CLSPN: variants seen among roughly 807,000 people sequenced by gnomAD.
CLSPN encodes the protein claspin homolog.
In CLSPN, 85 loss-of-function variants were observed where a neutral mutation model predicts 156.3. The observed-to-expected ratio is 0.54, with a 90% CI of 0.46 to 0.65. CLSPN has a LOEUF of 0.65. CLSPN is among the 30% of genes least tolerant of loss of function. The pLI, the probability that CLSPN is intolerant of heterozygous loss-of-function variation, is 0.00. For synonymous variants in CLSPN, 534 were observed against 542.4 expected, an observed-to-expected ratio of 0.98 and a Z score of 0.22; for missense variants, 1,407 against 1,554.9, an observed-to-expected ratio of 0.90 and a Z score of 1.60.
chr1:35,754,738 G>A (rs533806328), intron 8 of CLSPN, among the ~76,000 whole-genome samples: 1 of 152,076 alleles, frequency 6.6e-6, no homozygotes, highest in Non-Finnish European at 1.5e-5. Context: ...CTAAGCAGCA[G>A]GACTGTAAAA....
chr1:35,754,673 A>C (rs568347524), intron 8 of CLSPN, among the ~76,000 whole-genome samples: 28 of 152,198 alleles, frequency 1.8e-4, no homozygotes, highest in Admixed American at 3.3e-4. Context: ...AATATAGGCA[A>C]AGTCAATTTT....
In CLSPN at chr1:35,761,201, G is replaced by C. The variant is rs1642466691; in HGVS notation, c.899C>G (p.Ser300Cys). ...CATATGATATGGAAGGTTCAGTGCA[G>C]ACTCTATAAAATGGAATAAAACAAG... Reference protein sequence around the residue: ...HSETQRLIRESALNLPYHMPE... With the variant: ...HSETQRLIRECALNLPYHMPE... Residue 300 changes from serine (S) to cysteine (C), a missense_variant, in exon 7 of 25, where the codon TCT (serine) becomes TGT (cysteine). Physicochemically the swap from Ser to Cys is moderately radical, Grantham distance 112. Transcript: ENST00000318121. 6.3e-7 allele frequency: 1 copy of C among 1,592,100 alleles called. No individual in the cohort carries two copies. The highest frequency in any genetic ancestry group is 1.1e-5 in the South Asian group (1 of 90,378).
At chr1:35,747,031 C>A in intron 14 of CLSPN, 39 bp from the exon 15 acceptor site, 1 of 1,540,674 alleles carries the variant, frequency 6.5e-7, no homozygotes, top group African/African-American at 1.4e-5. Context: ...GTAAAAAATT[C>A]CTCAGAGAGG....
rs1641454280 is a variant in CLSPN, at chr1:35,735,970, C to T, written c.*526G>A. Reference sequence around the variant, plus strand: ...TGCAGTGACTCATGCATGTGACCAGCACTTTGTGGGGCCGAGGTGGATGGA... The same window carrying T: ...TGCAGTGACTCATGCATGTGACCAGTACTTTGTGGGGCCGAGGTGGATGGA... On this transcript the variant is annotated 3_prime_UTR_variant, in exon 25 of 25. Transcript: ENST00000318121. 1.0e-6 allele frequency: 1 copy of T among 979,522 alleles called. No homozygotes were observed. Among genetic ancestry groups the T allele is most frequent in the African/African-American group, 1.8e-5 (1 of 57,062 alleles). 60.7% of individuals were successfully genotyped at this position (979,522 alleles called of 1,614,324 possible). A position where few individuals can be genotyped will look rare whatever the true frequency, so the allele number is the denominator to read the frequency against.
intron 20 of CLSPN, 62 bp from the exon 21 acceptor site, chr1:35,738,644 G>A: frequency 6.5e-7 from 1 of 1,549,650 alleles, no homozygotes. Flanking sequence ...TGCTTGGACA[G>A]ACAAAAAATA....
At chr1:35,767,273 T>C (rs1436965832) in intron 1 of CLSPN, among the ~76,000 whole-genome samples, 1 of 152,222 alleles carries the variant, frequency 6.6e-6, no homozygotes, top group Non-Finnish European at 1.5e-5. Context: ...AGATACTTCT[T>C]AGGTGTGGTA....
intron 9 of CLSPN, 63 bp downstream of exon 9, chr1:35,753,682 G>C (rs1642175535): frequency 6.9e-7 from 1 of 1,451,908 alleles, no homozygotes. Flanking sequence ...GTTTTCAATA[G>C]CCTTGAAGAT....
rs3041363 is a variant in CLSPN at position 35,726,152 on chromosome 1, C to CAAAAAAAAAAAAAA, written c.3910-5186_3910-5173dup. 3.3e-3 allele frequency among the ~76,000 whole-genome samples: 159 copies of CAAAAAAAAAAAAAA among 48,190 alleles called. 56 individuals are homozygous for CAAAAAAAAAAAAAA. The highest frequency in any genetic ancestry group is 0.062 in the Middle Eastern group (2 of 32). The allele number at this position is 48,190 out of a possible 152,430, so 31.6% of individuals were successfully genotyped here. A position where few individuals can be genotyped will look rare whatever the true frequency, so the allele number is the denominator to read the frequency against. Reference sequence around the variant, plus strand: ...ACACACCCATAGAAACAGATGCAGACAAAAAAAAAAAAAAAAAAAAAAAGC... The same window carrying CAAAAAAAAAAAAAA: ...ACACACCCATAGAAACAGATGCAGACAAAAAAAAAAAAAAAAAAAAAAAAAAAAAAAAAAAAAGC... On this transcript the variant is annotated intron_variant, in intron 24 of 24. Transcript: ENST00000251195.
chr1:35,753,933 A>T lies in CLSPN; in HGVS notation c.1583T>A (p.Leu528Gln), dbSNP rs566042213. The T allele has an allele frequency of 3.7e-6, 6 of 1,614,104 alleles. No individual in the cohort carries two copies. In the East Asian group the frequency reaches 8.9e-5, roughly 24 times the overall value. Residue 528 changes from leucine (L) to glutamine (Q), a missense_variant, in exon 9 of 25, where the codon CTG becomes CAG. Physicochemically the swap from Leu to Gln is moderately radical, Grantham distance 113. This residue lies in a region of CLSPN where 1,096 missense variants were observed against 1,193.0 expected (regional missense o/e 0.92). Transcript: ENST00000318121. ...CCAGAAACGCTGCTTCAAGGCTTCC[A>T]GTTCTAAACCCAAACGCCAACCAGT... is the stretch of plus-strand genomic sequence containing the variant. Reference protein sequence around the residue: ...VILEPETNRELEALKQRFWKH... With the variant: ...VILEPETNREQEALKQRFWKH...
At chr1:35,752,143 A>C (rs1224287239) in intron 9 of CLSPN, among the ~76,000 whole-genome samples, 1 of 152,174 alleles carries the variant, frequency 6.6e-6, no homozygotes, top group East Asian at 1.9e-4. Context: ...ATTTTCATCT[A>C]ATATACCACC....
chr1:35,731,434 T>C (rs1011208921), downstream of CLSPN, among the ~76,000 whole-genome samples: 4 of 152,282 alleles, frequency 2.6e-5, no homozygotes, highest in Admixed American at 2.6e-4. Flanking sequence ...AGCTATGTCA[T>C]GCATCGGCCA....
intron 16 of CLSPN, among the ~76,000 whole-genome samples, chr1:35,745,069 T>C (rs963500706): frequency 6.6e-6 from 1 of 152,260 alleles, no homozygotes; most frequent in Non-Finnish European, 1.5e-5. Flanking sequence ...GTGCCTGGCC[T>C]CTATTTTTAA....
Position 35,723,073 on chromosome 1 carries a change from G to C in CLSPN, c.3910-2093C>G, listed in dbSNP as rs1054544715. Among the ~76,000 whole-genome samples the C allele has an allele frequency of 2.0e-5, 3 of 152,312 alleles. 1 individual carries two copies. The highest frequency in any genetic ancestry group is 6.8e-3 in the Middle Eastern group (2 of 294). On this transcript the variant is annotated intron_variant, in intron 24 of 24. Coordinates refer to the CLSPN transcript ENST00000251195. ...ACCTGAAGAAAAAAAAGCTCCAAAT[G>C]CAGGGATGTCCATGTCCACAGGAAG...
chr1:35,752,390 CA>C (rs755806213), intron 9 of CLSPN, among the ~76,000 whole-genome samples: 19 of 152,136 alleles, frequency 1.2e-4, no homozygotes, highest in Non-Finnish European at 2.4e-4. Flanking sequence ...CCAGCCTGGC[CA>C]ACATAGCGAA....
At chr1:35,765,385 T>C (rs563557050) in intron 1 of CLSPN, 59 bp from the exon 2 acceptor site, 310 of 1,111,992 alleles carry the variant, frequency 2.8e-4, no homozygotes, top group Non-Finnish European at 3.8e-4. Flanking sequence ...TCCAAGTACA[T>C]AATGACACAC....
At chr1:35,747,489 A>C (rs1051149420) in intron 14 of CLSPN, among the ~76,000 whole-genome samples, 7 of 152,210 alleles carry the variant, frequency 4.6e-5, no homozygotes, top group Admixed American at 6.5e-5. Flanking sequence ...GTTTTGTGAA[A>C]GAATAAAATG....
At chr1:35,757,256 ACTC>A (rs1272866795) in intron 8 of CLSPN, among the ~76,000 whole-genome samples, 1 of 152,046 alleles carries the variant, frequency 6.6e-6, no homozygotes, top group Non-Finnish European at 1.5e-5. Context: ...CCTGTCTATC[ACTC>A]CTATTACACT....
chr1:35,769,314 G>A (rs1469102375), intron 1 of CLSPN, among the ~76,000 whole-genome samples: 1 of 152,230 alleles, frequency 6.6e-6, no homozygotes, highest in Non-Finnish European at 1.5e-5. Context: ...CCACCAGCCA[G>A]GAGCCCCAGC....
intron 14 of CLSPN, 100 bp downstream of exon 14, chr1:35,747,807 A>C: frequency 9.6e-6 from 11 of 1,144,968 alleles, no homozygotes; most frequent in Non-Finnish European, 1.3e-5. Flanking sequence ...CTTTCTCAGA[A>C]GAGAAAGCAC....
Sources: gnomAD v4.1 joint callset for allele counts (sites outside exome capture counted in the v4.1 genomes callset) on GRCh38, gnomAD v4.1.1 for gene constraint, gnomAD v4.1.1 regional missense constraint, MANE v1.5 for transcripts, NCBI Gene and HGNC (gene_info 2026-07-23, HGNC 2026-07-21) for gene names.